Variants in TRPM2 observed in about 807,000 individuals in gnomAD.
The protein encoded by TRPM2 is transient receptor potential cation channel subfamily M member 2.
A neutral mutation model predicts 174.0 loss-of-function variants in TRPM2; 161 were observed. The ratio of observed to expected loss-of-function variants is 0.93; its 90% CI spans 0.81 to 1.05. The LOEUF (loss-of-function observed/expected upper bound fraction) is 1.05. Among genes scored for constraint, TRPM2 ranks in the 50% least tolerant of loss-of-function variants. The pLI, the probability that TRPM2 is intolerant of heterozygous loss-of-function variation, is 0.00. For missense variants in TRPM2, 2,057 were observed against 2,038.0 expected, an observed-to-expected ratio of 1.01 and a Z score of -0.18; for synonymous variants, 954 against 861.3, an observed-to-expected ratio of 1.11 and a Z score of -1.88.
intron 11 of TRPM2, among the ~76,000 whole-genome samples, chr21:44,394,954 C>T (rs949624006): frequency 6.6e-6 from 1 of 152,162 alleles, no homozygotes; most frequent in Non-Finnish European, 1.5e-5. Flanking sequence ...GTGCCCTGTG[C>T]TTGCTCGTGA....
chr21:44,397,990 C>T (rs751217412), intron 13 of TRPM2, 114 bp downstream of exon 13: 27 of 1,306,402 alleles, frequency 2.1e-5, no homozygotes, highest in Non-Finnish European at 2.6e-5. Context: ...GTCCTCGTCC[C>T]TGGGCCTCAG....
chr21:44,426,555 T>A lies in TRPM2; in HGVS notation c.3796-105T>A, dbSNP rs900135783. The A allele has an allele frequency of 4.6e-5, 53 of 1,162,882 alleles. No homozygotes were observed. The African/African-American group carries it at 6.8e-4, about 15-fold the overall frequency. 72.0% of individuals were successfully genotyped at this position (1,162,882 alleles called of 1,614,324 possible). A position where few individuals can be genotyped will look rare whatever the true frequency, so the allele number is the denominator to read the frequency against. On this transcript the variant is annotated intron_variant, in intron 25 of 31. Coordinates refer to ENST00000397928, the MANE Select transcript of TRPM2 (RefSeq NM_003307.4). ...GCTTCTGCCCTGCATGTTGGGATGT[T>A]GGGGTCGGGTTCAGACCCAGCTGAG...
chr21:44,418,837 G>T (rs45573737), intron 22 of TRPM2, among the ~76,000 whole-genome samples: 2 of 152,300 alleles, frequency 1.3e-5, no homozygotes, highest in South Asian at 4.1e-4. Context: ...AGGTTGGCCC[G>T]CAGGATCCGG....
intron 19 of TRPM2, among the ~76,000 whole-genome samples, chr21:44,409,541 CGTGCTGTCTTGGTTGG>C (rs2050018173): frequency 1.3e-5 from 2 of 151,080 alleles, no homozygotes; most frequent in Admixed American, 6.6e-5. Context: ...AAGTTTTGAT[CGTGCTGTCTTGGTTGG>C]CATAGCCTTG....
chr21:44,351,266 G>A (rs2047922587), upstream of TRPM2, among the ~76,000 whole-genome samples: 1 of 152,132 alleles, frequency 6.6e-6, no homozygotes, highest in Admixed American at 6.5e-5. Flanking sequence ...TGGTCTTCCC[G>A]CTGCCACCCC....
In TRPM2 at chr21:44,375,928, C is replaced by G. The variant is rs751986910; in HGVS notation, c.867C>G (p.Asp289Glu). Residue 289 changes from aspartate (D) to glutamate (E), a missense_variant, in exon 6 of 32, where the codon GAC becomes GAG. Physicochemically the swap from Asp to Glu is conservative, Grantham distance 45 (BLOSUM62 2). Coordinates refer to ENST00000397928, the MANE Select transcript of TRPM2 (RefSeq NM_003307.4). Reference sequence around the variant, plus strand: ...ACTCTCACTTCATCCTCGTGGACGACGGGACCCACGGCCAGTACGGGGTGG... The same window carrying G: ...ACTCTCACTTCATCCTCGTGGACGAGGGGACCCACGGCCAGTACGGGGTGG... ...SNHSHFILVD[D>E]GTHGQYGVEI... 6.2e-7 allele frequency: 1 copy of G among 1,613,990 alleles called. No individual in the cohort carries two copies. The highest frequency in any genetic ancestry group is 1.7e-5 in the Admixed American group (1 of 59,998).
rs1298702928 is a variant in TRPM2 at position 44,430,619 on chromosome 21, C to T, written c.3974+3508C>T. ...TAATTTTTTGTATTTTTAGTAGAGA[C>T]GGGGTTTCACCTTGTTAGCCAGGAT... On this transcript the variant is annotated intron_variant, in intron 27 of 31. Coordinates refer to ENST00000397928, the MANE Select transcript of TRPM2 (RefSeq NM_003307.4). 1.2e-4 allele frequency among the ~76,000 whole-genome samples: 6 copies of T among 50,572 alleles called. 2 individuals are homozygous for T. The highest frequency in any genetic ancestry group is 4.9e-4 in the African/African-American group (6 of 12,126). 33.2% of individuals were successfully genotyped at this position (50,572 alleles called of 152,430 possible).
At chr21:44,351,949 A>T (rs1484464051), upstream of TRPM2, among the ~76,000 whole-genome samples, 2 of 152,222 alleles carry the variant, frequency 1.3e-5, no homozygotes, top group African/African-American at 4.8e-5. Flanking sequence ...TAAGGCAGAG[A>T]GTCCCACACC....
chr21:44,390,506 A>G (rs1206111063), intron 9 of TRPM2, among the ~76,000 whole-genome samples: 1 of 152,186 alleles, frequency 6.6e-6, no homozygotes, highest in Non-Finnish European at 1.5e-5. Flanking sequence ...TGAGGCAGGA[A>G]AGGAAATGTG....
chr21:44,377,844 G>T, intron 7 of TRPM2, 71 bp downstream of exon 7: 1 of 1,554,056 alleles, frequency 6.4e-7, no homozygotes, highest in East Asian at 2.2e-5. Flanking sequence ...GTCCAAAAGT[G>T]CTTGTCTCAG....
chr21:44,441,802 C>T lies in TRPM2; in HGVS notation c.4497C>T (p.Phe1499=), dbSNP rs145159073. ...TCCTCCAGAAGGCAGCCGCTGAGTT[C>T]GGGGCTCACTACTGACTGTGCCCTC... ...KTLLQKAAAE[F]GAHY is the part of the protein sequence containing the mutation. Residue 1499 remains phenylalanine, a synonymous_variant, in exon 32 of 32, where the codon TTC becomes TTT. Coordinates refer to ENST00000397928, the MANE Select transcript of TRPM2 (RefSeq NM_003307.4). The T allele has an allele frequency of 1.6e-5, 26 of 1,609,074 alleles. No individual in the cohort carries two copies. The highest frequency in any genetic ancestry group is 1.7e-4 in the Middle Eastern group (1 of 6,046).
intron 3 of TRPM2, among the ~76,000 whole-genome samples, chr21:44,364,966 A>C (rs1403216796): frequency 6.9e-6 from 1 of 144,304 alleles, no homozygotes; most frequent in Non-Finnish European, 1.5e-5. Flanking sequence ...AGCCCCTTGC[A>C]TGTTGACCAG....
chr21:44,361,645 GT>G (rs113631127), intron 2 of TRPM2, among the ~76,000 whole-genome samples: 14 of 144,672 alleles, frequency 9.7e-5, no homozygotes, highest in East Asian at 2.0e-4. Context: ...TTTGTTCTGT[GT>G]TTTTTTTTTG....
chr21:44,437,005 C>T, intron 28 of TRPM2, 57 bp from the exon 29 acceptor site: 1 of 1,487,794 alleles, frequency 6.7e-7, no homozygotes, highest in South Asian at 1.2e-5. Context: ...CGCCGCGGCG[C>T]AGGGGAGGGT....
intron 19 of TRPM2, among the ~76,000 whole-genome samples, chr21:44,406,983 G>C (rs915717671): frequency 1.3e-5 from 2 of 150,022 alleles, no homozygotes; most frequent in Non-Finnish European, 3.0e-5. Flanking sequence ...CCTGGTGGGG[G>C]TGAGTGGTGC....
chr21:44,425,988 C>T (rs1017399530), intron 25 of TRPM2, among the ~76,000 whole-genome samples, 161 bp downstream of exon 25: 6 of 152,266 alleles, frequency 3.9e-5, no homozygotes, highest in Admixed American at 1.3e-4. Flanking sequence ...TTGAGGAAAC[C>T]GAGGCACAGA....
intron 2 of TRPM2, among the ~76,000 whole-genome samples, chr21:44,362,910 G>T (rs1237072357): frequency 1.3e-5 from 2 of 151,952 alleles, no homozygotes; most frequent in Non-Finnish European, 2.9e-5. Flanking sequence ...AGTGGCTGGG[G>T]TTACAGGCTG....
At chr21:44,420,267 C>T (rs903506561) in intron 22 of TRPM2, among the ~76,000 whole-genome samples, 2 of 152,074 alleles carry the variant, frequency 1.3e-5, no homozygotes, top group Non-Finnish European at 2.9e-5. Context: ...CCACCCTGTC[C>T]CCATCCCCTG....
chr21:44,437,271 C>A, intron 29 of TRPM2, 104 bp downstream of exon 29: 2 of 1,080,236 alleles, frequency 1.9e-6, no homozygotes, highest in Non-Finnish European at 2.7e-6. Flanking sequence ...CCTGCAGCCC[C>A]CTGCAGCCCC....
Sources: gnomAD v4.1 joint callset for allele counts (sites outside exome capture counted in the v4.1 genomes callset) on GRCh38, gnomAD v4.1.1 for gene constraint, MANE v1.5 for transcripts, NCBI Gene and HGNC (gene_info 2026-07-23, HGNC 2026-07-21) for gene names.